BAG5: variants seen among roughly 807,000 people sequenced by gnomAD.
BAG5 encodes the protein BAG cochaperone 5, also known as BAG family molecular chaperone regulator 5.
BAG5 carries 25 observed loss-of-function variants against 31.8 expected under a neutral mutation model. That is an observed-to-expected ratio of 0.79 (90% confidence interval 0.57 to 1.10). The LOEUF (loss-of-function observed/expected upper bound fraction) is 1.10, where lower values mean the gene tolerates loss of function less well. BAG5 is among the 50% of genes least tolerant of loss of function. BAG5 has a pLI of 0.00. For synonymous variants in BAG5, 208 were observed against 205.0 expected (o/e 1.01, Z -0.13); for missense variants, 491 against 527.9 (o/e 0.93, Z 0.68).
Position 103,560,128 on chromosome 14 carries a change from A to C in BAG5, c.1037T>G (p.Ile346Ser). 1 of 1,614,078 alleles carries C rather than the reference A, an allele frequency of 6.2e-7. No individual in the cohort carries two copies. Residue 346 changes from isoleucine to serine, a missense_variant, in exon 2 of 2, where the codon ATT becomes AGT. By Grantham distance (142) the Ile-to-Ser change is moderately radical. Coordinates refer to ENST00000299204, the MANE Select transcript of BAG5 (RefSeq NM_001015048.3). ...VIEVQTLITY[I>S]DLKEALEKRK... The stretch of plus-strand genomic sequence containing the variant: ...TTTCTCAAGGGCCTCCTTCAAGTCA[A>C]TATATGTGATCAGAGTTTGCACCTC...
Position 103,560,851 on chromosome 14 carries a change from A to C in BAG5, c.314T>G (p.Val105Gly). 6.2e-7 allele frequency: 1 copy of C among 1,613,848 alleles called. No homozygotes were observed. ...ATAAAATGGCACAATTTTCTCTCTC[A>C]CGAGGGACTGGGCTTCCTCAAAAAT... ...QNIFEEAQSLVREKIVPFYNG... is the reference protein window; with the variant it reads ...QNIFEEAQSLGREKIVPFYNG... Residue 105 changes from valine (V) to glycine (G), a missense_variant, in exon 2 of 2, where the codon GTG (valine) becomes GGG (glycine). Transcript: ENST00000299204.
rs1566971383 is a variant in BAG5, at chr14:103,557,379, C to CA, written c.*2441dup. The CA allele has an allele frequency of 6.6e-6, 1 of 152,204 alleles. No homozygotes were observed. The highest frequency in any genetic ancestry group is 1.5e-5 in the Non-Finnish European group (1 of 68,040). The allele number at this position is 152,204 out of a possible 1,614,324, so 9.4% of individuals were successfully genotyped here. ...AACAGATTGAAACCAGAAACAAAGC[C>CA]ATGCCTGACAGTCAATCAAGGTCAA... On this transcript the variant is annotated 3_prime_UTR_variant, in exon 2 of 2. Transcript: ENST00000299204.
In BAG5 at chr14:103,561,190, G is replaced by C. The variant is rs1221899714; in HGVS notation, c.-26C>G. The C allele has an allele frequency of 6.3e-7, 1 of 1,584,810 alleles. No individual in the cohort carries two copies. Among genetic ancestry groups the C allele is most frequent in the South Asian group, 1.1e-5 (1 of 89,348 alleles). ...ACTTTTGTTGTGTTCAGTTTCACAA[G>C]CACTAAAAGACGACAAGAATGATAA... On this transcript the variant is annotated splice_region_variant and 5_prime_UTR_variant, in exon 2 of 2. Coordinates refer to ENST00000299204, the MANE Select transcript of BAG5 (RefSeq NM_001015048.3).
Position 103,558,424 on chromosome 14 carries a change from T to C in BAG5, c.*1397A>G, listed in dbSNP as rs1195652050. The C allele has an allele frequency of 6.6e-6, 1 of 152,198 alleles. No individual in the cohort carries two copies. Among genetic ancestry groups the C allele is most frequent in the Admixed American group, 6.5e-5 (1 of 15,274 alleles). 9.4% of individuals were successfully genotyped at this position (152,198 alleles called of 1,614,324 possible). ...GAATATTACCCTGGATTTCCAAAGA[T>C]GTACTCTAACAGGATGACCAGGCAA... On this transcript the variant is annotated 3_prime_UTR_variant, in exon 2 of 2. Transcript: ENST00000299204.
At position 103,557,068 on chromosome 14, in the gene BAG5, A is replaced by C. The variant is rs181659573; in HGVS notation, c.*2753T>G. The C allele has an allele frequency of 1.2e-4, 19 of 152,364 alleles. No individual in the cohort carries two copies. Among genetic ancestry groups the C allele is most frequent in the South Asian group, 2.1e-4 (1 of 4,834 alleles). The allele number at this position is 152,364 out of a possible 1,614,324, so 9.4% of individuals were successfully genotyped here. On this transcript the variant is annotated 3_prime_UTR_variant, in exon 2 of 2. Transcript: ENST00000299204. ...TGTGATCTGAAAGCAACGCTGACTG[A>C]ATGTAAATAAAGCAAACGTTCCCAG...
chr14:103,562,336 T>A (rs1413893065), intron 1 of BAG5: 1 of 316,444 alleles, frequency 3.2e-6, no homozygotes, highest in East Asian at 8.1e-5. Flanking sequence ...GACCTCACAA[T>A]GGGCGCGCGA....
At chr14:103,561,264 A>G in intron 1 of BAG5, 72 bp from the exon 2 acceptor site, 1 of 1,432,754 alleles carries the variant, frequency 7.0e-7, no homozygotes, top group Non-Finnish European at 9.3e-7. Flanking sequence ...ATATTAAGTC[A>G]TTCTAAAATT....
Position 103,560,891 on chromosome 14 carries a change from T to A in BAG5, c.274A>T (p.Ile92Phe), listed in dbSNP as rs754111260. 6.2e-7 allele frequency: 1 copy of A among 1,614,166 alleles called. No individual in the cohort carries two copies. The highest frequency in any genetic ancestry group is 1.6e-4 in the Middle Eastern group (1 of 6,062). ...TCCTCAAAAATGTTCTGTATTTCAA[T>A]CCGGTGTGGGTGGTTTGCATTCTGC... ...LEQNANHPHR[I>F]EIQNIFEEAQ... Residue 92 changes from isoleucine (I) to phenylalanine (F), a missense_variant, in exon 2 of 2, where the codon ATT (isoleucine) becomes TTT (phenylalanine). Transcript: ENST00000299204.
At chr14:103,562,151 C>T in intron 1 of BAG5, 6 of 646,794 alleles carry the variant, frequency 9.3e-6, no homozygotes, top group Non-Finnish European at 1.7e-5. Context: ...GCTGAGGTGG[C>T]GAGGTGGAAG....
intron 1 of BAG5, 98 bp from the exon 2 acceptor site, chr14:103,561,290 T>C: frequency 7.5e-7 from 1 of 1,331,884 alleles, no homozygotes; most frequent in Non-Finnish European, 1.0e-6. Flanking sequence ...TTTAAAAAGG[T>C]ATACTTCTGA....
chr14:103,559,721 G>C lies in BAG5; in HGVS notation c.*100C>G. 1.4e-6 allele frequency: 2 copies of C among 1,400,490 alleles called. No individual in the cohort carries two copies. Among genetic ancestry groups the C allele is most frequent in the Non-Finnish European group, 1.9e-6 (2 of 1,040,454 alleles). The allele number at this position is 1,400,490 out of a possible 1,614,324, so 86.8% of individuals were successfully genotyped here. On this transcript the variant is annotated 3_prime_UTR_variant, in exon 2 of 2. Transcript: ENST00000299204. Reference sequence around the variant, plus strand: ...AATTTGCTTCAATCATAAATACTGAGACTGAAATATGCACGTATAAATCAA... The same window carrying C: ...AATTTGCTTCAATCATAAATACTGACACTGAAATATGCACGTATAAATCAA...
rs904224769 is a variant in BAG5 at position 103,556,828 on chromosome 14, T to A, written c.*2993A>T. On this transcript the variant is annotated 3_prime_UTR_variant, in exon 2 of 2. Transcript: ENST00000299204. ...AAATAAAAAAACCCAAAACCTTGCA[T>A]GCACAAGCTAAGCTCAGACCCTTAA... is the stretch of plus-strand genomic sequence containing the variant. 2.6e-5 allele frequency: 4 copies of A among 151,886 alleles called. No homozygotes were observed. Among genetic ancestry groups the A allele is most frequent in the African/African-American group, 7.3e-5 (3 of 41,362 alleles). 9.4% of individuals were successfully genotyped at this position (151,886 alleles called of 1,614,324 possible). A position where few individuals can be genotyped will look rare whatever the true frequency, so the allele number is the denominator to read the frequency against.
intron 1 of BAG5, chr14:103,562,072 G>T: frequency 9.4e-7 from 1 of 1,066,662 alleles, no homozygotes; most frequent in Non-Finnish European, 1.5e-6. Flanking sequence ...CTTCCTCCCC[G>T]CCTCGCCCTT....
rs774609803 is a variant in BAG5, at chr14:103,562,051, G to A, written c.-29+565C>T. 1.6e-5 allele frequency: 21 copies of A among 1,335,740 alleles called. No individual in the cohort carries two copies. In the South Asian group the frequency reaches 1.9e-4, roughly 12 times the overall value. The allele number at this position is 1,335,740 out of a possible 1,614,324, so 82.7% of individuals were successfully genotyped here. ...GTCCTGGAGGCCACGGAGGGAAGGC[G>A]GCCCGAGCTGCTTCCTCCCCGCCTC... On this transcript the variant is annotated intron_variant, in intron 1 of 1. Transcript: ENST00000299204.
rs888981016 is a variant in BAG5, at chr14:103,559,023, T to C, written c.*798A>G. 2.6e-5 allele frequency: 4 copies of C among 152,018 alleles called. No homozygotes were observed. Among genetic ancestry groups the C allele is most frequent in the African/African-American group, 9.7e-5 (4 of 41,376 alleles). 9.4% of individuals were successfully genotyped at this position (152,018 alleles called of 1,614,324 possible). ...TCCTTTTTTTTTTTTTAAAGGCCCA[T>C]TAACTTAATTTAAATGTTCCCATCC... On this transcript the variant is annotated 3_prime_UTR_variant, in exon 2 of 2. Coordinates refer to ENST00000299204, the MANE Select transcript of BAG5 (RefSeq NM_001015048.3).
chr14:103,559,733 C>A lies in BAG5; in HGVS notation c.*88G>T. ...TCATAAATACTGAGACTGAAATATG[C>A]ACGTATAAATCAATGAACTGAAAGC... On this transcript the variant is annotated 3_prime_UTR_variant, in exon 2 of 2. Coordinates refer to ENST00000299204, the MANE Select transcript of BAG5 (RefSeq NM_001015048.3). 4 of 1,440,052 alleles carry A rather than the reference C, an allele frequency of 2.8e-6. No individual in the cohort carries two copies. Among genetic ancestry groups the A allele is most frequent in the Non-Finnish European group, 2.8e-6 (3 of 1,072,724 alleles). The allele number at this position is 1,440,052 out of a possible 1,614,324, so 89.2% of individuals were successfully genotyped here.
rs966454691 is a variant in BAG5, at chr14:103,562,635, G to A, written c.-48C>T. ...GCTCACCTGTCCCGCCCGCGCCATC[G>A]CGCGATGCGTCGCCGACGCTTCCAC... On this transcript the variant is annotated 5_prime_UTR_variant, in exon 1 of 2. Transcript: ENST00000299204. 9.2e-5 allele frequency: 18 copies of A among 195,816 alleles called. 1 individual carries two copies. The allele number at this position is 195,816 out of a possible 1,614,324, so 12.1% of individuals were successfully genotyped here.
At position 103,560,150 on chromosome 14, in the gene BAG5, C is replaced by T. The variant is rs772997426; in HGVS notation, c.1015G>A (p.Val339Met). ...TCAATATATGTGATCAGAGTTTGCACCTCGATCACTGCTCTTCTCCTGGCT... is the reference window on the plus strand; with the variant it reads ...TCAATATATGTGATCAGAGTTTGCATCTCGATCACTGCTCTTCTCCTGGCT... ...REARRRAVIE[V>M]QTLITYIDLK... Residue 339 changes from valine to methionine, a missense_variant, in exon 2 of 2, where the codon GTG becomes ATG. Transcript: ENST00000299204. The T allele has an allele frequency of 1.6e-5, 26 of 1,614,140 alleles. No homozygotes were observed. The highest frequency in any genetic ancestry group is 2.0e-5 in the Non-Finnish European group (24 of 1,180,032).
In BAG5 at chr14:103,557,471, C is replaced by T. The variant is rs2076045278; in HGVS notation, c.*2350G>A. The stretch of plus-strand genomic sequence containing the variant: ...AAATGACGGTGGAAGAGCTGAGCAC[C>T]CTGTACTCACACACGATGCCCACAG... On this transcript the variant is annotated 3_prime_UTR_variant, in exon 2 of 2. Coordinates refer to ENST00000299204, the MANE Select transcript of BAG5 (RefSeq NM_001015048.3). 1.3e-5 allele frequency: 2 copies of T among 152,284 alleles called. No homozygotes were observed. Among genetic ancestry groups the T allele is most frequent in the South Asian group, 2.1e-4 (1 of 4,832 alleles). The allele number at this position is 152,284 out of a possible 1,614,324, so 9.4% of individuals were successfully genotyped here. A position where few individuals can be genotyped will look rare whatever the true frequency, so the allele number is the denominator to read the frequency against.
Sources: gnomAD v4.1 joint callset for allele counts on GRCh38, gnomAD v4.1.1 for gene constraint, MANE v1.5 for transcripts, NCBI Gene and HGNC (gene_info 2026-07-23, HGNC 2026-07-21) for gene names.